The following PTRH1 variants were observed in gnomAD, a reference collection of about 807,000 sequenced individuals.
The protein encoded by PTRH1 is peptidyl-tRNA hydrolase 1 homolog, also known as peptidyl-tRNA hydrolase.
A neutral mutation model predicts 15.7 loss-of-function variants in PTRH1; 13 were observed. The observed-to-expected ratio is 0.83, with a 90% confidence interval of 0.54 to 1.31. The LOEUF is 1.31. PTRH1 is among the 40% of genes most tolerant of loss of function. The probability of loss-of-function intolerance (pLI) is 0.00; values close to 1 mark genes in which losing one functional copy is unlikely to be tolerated. For synonymous variants in PTRH1, 139 were observed against 136.7 expected (o/e 1.02, Z -0.12); for missense variants, 319 against 296.2 (o/e 1.08, Z -0.56).
chr9:127,700,402 G>C (rs977636182), intron 1 of PTRH1, among the ~76,000 whole-genome samples: 3 of 152,110 alleles, frequency 2.0e-5, no homozygotes, highest in Non-Finnish European at 4.4e-5. Flanking sequence ...GGAGCTCTCT[G>C]TACCTTTCCT....
At position 127,714,378 on chromosome 9, in the gene PTRH1, C is replaced by T. The variant is rs377167576; in HGVS notation, c.462+1G>A. On this transcript the variant is annotated splice_donor_variant, in intron 4 of 4. Coordinates refer to ENST00000543175, the MANE Select transcript of PTRH1 (RefSeq NM_001002913.3). LOFTEE classifies it high-confidence loss of function. ...GTTGCACAACAAAAGGGTAGACTCA[C>T]ATTGGAGTTGAGGCAGCTAATGCAG... 2.5e-6 allele frequency: 4 copies of T among 1,614,242 alleles called. No homozygotes were observed. Among genetic ancestry groups the T allele is most frequent in the Non-Finnish European group, 3.4e-6 (4 of 1,180,038 alleles).
intron 1 of PTRH1, among the ~76,000 whole-genome samples, chr9:127,696,575 T>C (rs1588381255): frequency 6.6e-6 from 1 of 152,194 alleles, no homozygotes; most frequent in Non-Finnish European, 1.5e-5. Context: ...AAAAACATTA[T>C]CATCCGGGTG....
chr9:127,695,660 G>A (rs976472638), intron 1 of PTRH1: 1 of 152,378 alleles, frequency 6.6e-6, no homozygotes, highest in Non-Finnish European at 1.5e-5. Context: ...GGCTGTAGAA[G>A]CTCAGAGCTG....
In PTRH1 at chr9:127,705,054, A is replaced by G. The variant is rs1200605388; in HGVS notation, c.206-9913T>C. Among the ~76,000 whole-genome samples the G allele has an allele frequency of 6.6e-6, 1 of 152,106 alleles. No homozygotes were observed. Among genetic ancestry groups the G allele is most frequent in the Non-Finnish European group, 1.5e-5 (1 of 68,004 alleles). On this transcript the variant is annotated intron_variant, in intron 1 of 2. Transcript: ENST00000335223. The surrounding 1 kb of genome is among the most constrained non-coding windows in gnomAD (Gnocchi z 4.7). ...TGAACCAGTGCACCTGGCCAAGGGC[A>G]TGTTTAATGATGCCTGGCCTCCCTG... is the stretch of plus-strand genomic sequence containing the variant.
intron 1 of PTRH1, among the ~76,000 whole-genome samples, chr9:127,699,159 G>A (rs996508948): frequency 6.6e-6 from 1 of 152,156 alleles, no homozygotes; most frequent in African/African-American, 2.4e-5. Context: ...TGGCATTATA[G>A]GTGTGAACCA....
chr9:127,706,861 A>C lies in PTRH1; in HGVS notation c.205+8574T>G, dbSNP rs1178854081. The C allele has an allele frequency of 4.2e-6, 3 of 719,700 alleles. No homozygotes were observed. In the East Asian group the frequency reaches 8.3e-5, roughly 20 times the overall value. The allele number at this position is 719,700 out of a possible 1,614,324, so 44.6% of individuals were successfully genotyped here. A position where few individuals can be genotyped will look rare whatever the true frequency, so the allele number is the denominator to read the frequency against. ...CTGGGACTCCTGGGCCTGGGGCCTC[A>C]CTGATGCCATCTGCCTTGGAGTGGG... On this transcript the variant is annotated intron_variant, in intron 1 of 2. Transcript: ENST00000335223.
chr9:127,706,868 C>T (rs2131581641), intron 1 of PTRH1: 2 of 752,898 alleles, frequency 2.7e-6, no homozygotes, highest in South Asian at 4.2e-5. Context: ...CTCACTGATG[C>T]CATCTGCCTT....
chr9:127,703,742 A>G (rs533010956), intron 1 of PTRH1, among the ~76,000 whole-genome samples: 1 of 152,350 alleles, frequency 6.6e-6, no homozygotes, highest in Admixed American at 6.5e-5. Context: ...AGGGGGTGGC[A>G]GCCACTGGTA....
chr9:127,708,208 G>A (rs1156467445), intron 1 of PTRH1, among the ~76,000 whole-genome samples: 1 of 152,228 alleles, frequency 6.6e-6, no homozygotes. Context: ...GCCAGGCACA[G>A]TGGCTCAGGA....
At position 127,698,905 on chromosome 9, in the gene PTRH1, CTTTT is replaced by C. The variant is rs143136665; in HGVS notation, c.206-3768_206-3765del. Among the ~76,000 whole-genome samples the C allele has an allele frequency of 4.3e-3, 590 of 136,852 alleles. 4 individuals are homozygous for C. The highest frequency in any genetic ancestry group is 0.015 in the African/African-American group (556 of 36,900). 89.8% of individuals were successfully genotyped at this position (136,852 alleles called of 152,430 possible). ...CAGCAGCGGCTTCCCACAAGACCAA[CTTTT>C]TTTTTTTTTTTTTTTTTGAGACGGA... On this transcript the variant is annotated intron_variant, in intron 1 of 2. Transcript: ENST00000335223.
Position 127,705,178 on chromosome 9 carries a change from G to A in PTRH1, c.206-10037C>T, listed in dbSNP as rs1842633554. Among the ~76,000 whole-genome samples, 1 of 152,126 alleles carries A rather than the reference G, an allele frequency of 6.6e-6. No homozygotes were observed. Among genetic ancestry groups the A allele is most frequent in the South Asian group, 2.1e-4 (1 of 4,826 alleles). On this transcript the variant is annotated intron_variant, in intron 1 of 2. Transcript: ENST00000335223. This position sits in a 1 kb window ranked among gnomAD's most constrained non-coding sequence, Gnocchi z 4.7. The stretch of plus-strand genomic sequence containing the variant: ...CCTTGGCCGGTGCTGCAGTCTGCAT[G>A]GCTTTGTGCACTGCCTGACTCCCCT...
In PTRH1 at chr9:127,715,361, G is replaced by A; in HGVS notation, c.97-167C>T. On this transcript the variant is annotated intron_variant, in intron 1 of 4. Transcript: ENST00000543175. The surrounding 1 kb of genome is among the most constrained non-coding windows in gnomAD (Gnocchi z 5.8). ...ACCCGACCCCTGAGAACTCCAGAAGGCTGGGCAGGCAGGGCGCCCTAGTGC... is the reference window on the plus strand; with the variant it reads ...ACCCGACCCCTGAGAACTCCAGAAGACTGGGCAGGCAGGGCGCCCTAGTGC... The A allele has an allele frequency of 8.1e-7, 1 of 1,230,428 alleles. No individual in the cohort carries two copies. Among genetic ancestry groups the A allele is most frequent in the Non-Finnish European group, 1.2e-6 (1 of 866,454 alleles). The allele number at this position is 1,230,428 out of a possible 1,614,324, so 76.2% of individuals were successfully genotyped here. A position where few individuals can be genotyped will look rare whatever the true frequency, so the allele number is the denominator to read the frequency against.
downstream of PTRH1, chr9:127,709,412 C>G (rs773957706): frequency 1.2e-6 from 2 of 1,611,774 alleles, no homozygotes; most frequent in Non-Finnish European, 1.7e-6. The surrounding 1 kb of genome is among the most constrained non-coding windows in gnomAD (Gnocchi z 4.7). Context: ...CGGCTCTGCC[C>G]CTGCCCCAGG....
At chr9:127,713,496 CTTTTTTTTTTTTTT>C (rs58502035), downstream of PTRH1, 15 of 90,914 alleles carry the variant, frequency 1.6e-4, no homozygotes, top group East Asian at 2.7e-4. Context: ...CAGCATCTTT[CTTTTTTTTTTTTTT>C]TTTTTTTTTT....
chr9:127,710,293 A>AC (rs59610421), downstream of PTRH1, among the ~76,000 whole-genome samples: 2,138 of 151,996 alleles, frequency 0.014, 66 homozygotes, highest in African/African-American at 0.049. Flanking sequence ...AAAAAAAAAA[A>AC]AAAAAACAAA....
intron 1 of PTRH1, among the ~76,000 whole-genome samples, chr9:127,700,928 C>T (rs1842599287): frequency 6.6e-6 from 1 of 152,222 alleles, no homozygotes; most frequent in Non-Finnish European, 1.5e-5. Context: ...AGAGCACTTG[C>T]ATGCCCTCAT....
downstream of PTRH1, chr9:127,710,698 T>A (rs1459031071): frequency 6.3e-7 from 1 of 1,575,546 alleles, no homozygotes; most frequent in Non-Finnish European, 8.6e-7. Flanking sequence ...AGCAGGAGAA[T>A]GAGTTCAGGG....
chr9:127,713,293 C>A, downstream of PTRH1: 1 of 1,026,920 alleles, frequency 9.7e-7, no homozygotes, highest in Non-Finnish European at 1.4e-6. Flanking sequence ...AGCTGTGTGG[C>A]CCTGGGGATG....
Position 127,715,109 on chromosome 9 carries a change from CCCAGCCG to C in PTRH1, c.175_181del (p.Arg59ValfsTer35). The C allele has an allele frequency of 6.5e-7, 1 of 1,534,132 alleles. No homozygotes were observed. The highest frequency in any genetic ancestry group is 8.7e-7 in the Non-Finnish European group (1 of 1,146,050). Reference sequence around the variant, plus strand: ...GTCGCGCGTCCAACTCTCCGCCACACCCAGCCGCCGCGCCAGCTGCCCCAGCACCGCC... The same window carrying C: ...GTCGCGCGTCCAACTCTCCGCCACACCCGCGCCAGCTGCCCCAGCACCGCC... On this transcript the variant is annotated frameshift_variant, in exon 2 of 5. Transcript: ENST00000543175. LOFTEE classifies it high-confidence loss of function. This position sits in a 1 kb window ranked among gnomAD's most constrained non-coding sequence, Gnocchi z 5.8.
Sources: gnomAD v4.1 joint callset for allele counts (sites outside exome capture counted in the v4.1 genomes callset) on GRCh38, gnomAD v4.1.1 for gene constraint, Gnocchi (gnomAD v3.1) non-coding constraint, MANE v1.5 for transcripts, NCBI Gene and HGNC (gene_info 2026-07-23, HGNC 2026-07-21) for gene names.